Variants in TMEM145 observed in about 807,000 individuals in gnomAD.
TMEM145 encodes transmembrane protein 145.
TMEM145 carries 46 observed loss-of-function variants against 68.5 expected under a neutral mutation model. That is an observed-to-expected ratio of 0.67 (90% CI 0.53 to 0.86). The LOEUF (loss-of-function observed/expected upper bound fraction) is 0.86, where lower values mean the gene tolerates loss of function less well. Ranked by LOEUF, TMEM145 falls within the 40% of genes least tolerant of loss-of-function variation. TMEM145 has a pLI of 0.00. For missense variants in TMEM145, 570 were observed against 645.8 expected (o/e 0.88, Z 1.27); for synonymous variants, 255 against 280.2 (o/e 0.91, Z 0.90).
intron 12 of TMEM145, 29 bp downstream of exon 12, chr19:42,317,910 C>T: frequency 6.2e-7 from 1 of 1,612,480 alleles, no homozygotes. Context: ...CAGCCTGTCC[C>T]TGCCTCCCTC....
In TMEM145 at chr19:42,324,791, C is replaced by G. The variant is rs540616003; in HGVS notation, c.1456C>G (p.Pro486Ala). 1 of 1,566,514 alleles carries G rather than the reference C, an allele frequency of 6.4e-7. No individual in the cohort carries two copies. Among genetic ancestry groups the G allele is most frequent in the Non-Finnish European group, 8.6e-7 (1 of 1,163,008 alleles). ...GCTCCCGCTGTTCCGTGACCTCCGG[C>G]CCCCTGGCCCCCTTCGAGACCTCTG... ...SGLPLFRDLRPPGPLRDL is the reference protein window; with the variant it reads ...SGLPLFRDLRAPGPLRDL Residue 486 changes from proline to alanine, a missense_variant, in exon 15 of 15, where the codon CCC (proline) becomes GCC (alanine). Coordinates refer to ENST00000301204, the MANE Select transcript of TMEM145 (RefSeq NM_173633.3).
At chr19:42,320,274 G>A (rs1274271829) in intron 12 of TMEM145, 43 bp from the exon 13 acceptor site, 2 of 1,610,416 alleles carry the variant, frequency 1.2e-6, no homozygotes, top group Non-Finnish European at 1.7e-6. Context: ...GTGGGGTGGA[G>A]GACAGGAGCA....
At chr19:42,314,223 A>C in intron 1 of TMEM145, 49 bp from the exon 2 acceptor site, 12 of 1,604,566 alleles carry the variant, frequency 7.5e-6, no homozygotes, top group Non-Finnish European at 1.0e-5. Context: ...TATGGAGTAA[A>C]GAGTTCTTGA....
intron 11 of TMEM145, among the ~76,000 whole-genome samples, chr19:42,317,408 G>A (rs2038869771): frequency 6.6e-6 from 1 of 152,194 alleles, no homozygotes; most frequent in African/African-American, 2.4e-5. Flanking sequence ...CTTAGCCTTA[G>A]TTTCCTCTTC....
chr19:42,324,497 A>G, intron 14 of TMEM145: 1 of 985,174 alleles, frequency 1.0e-6, no homozygotes, highest in Non-Finnish European at 1.2e-6. Flanking sequence ...CAGCATGCAC[A>G]CGGCCGGGGG....
intron 3 of TMEM145, 41 bp from the exon 4 acceptor site, chr19:42,314,572 G>T (rs765881294): frequency 2.5e-6 from 4 of 1,614,142 alleles, no homozygotes; most frequent in Non-Finnish European, 3.4e-6. Context: ...GGAGAAGGTC[G>T]TTGCTGGCCG....
At chr19:42,317,628 C>A in intron 11 of TMEM145, 81 bp from the exon 12 acceptor site, 1 of 1,439,694 alleles carries the variant, frequency 6.9e-7, no homozygotes. Flanking sequence ...CCTCTGTTCC[C>A]AAGTGCCCAG....
intron 14 of TMEM145, 72 bp downstream of exon 14, chr19:42,323,861 C>T (rs923637636): frequency 9.6e-6 from 13 of 1,359,322 alleles, no homozygotes; most frequent in South Asian, 1.3e-5. Context: ...CGCTCCCGGC[C>T]CCGCCGCCGC....
chr19:42,324,266 C>T, intron 14 of TMEM145: 4 of 984,948 alleles, frequency 4.1e-6, no homozygotes, highest in Non-Finnish European at 4.8e-6. Context: ...CTGACCCTGA[C>T]CCCCCTCCCA....
At chr19:42,316,607 G>T (rs1411309995) in intron 9 of TMEM145, 46 bp downstream of exon 9, 4 of 1,613,342 alleles carry the variant, frequency 2.5e-6, no homozygotes, top group Non-Finnish European at 3.4e-6. Context: ...CAGGGCTCAG[G>T]TTGGGCATCA....
chr19:42,323,860 C>A, intron 14 of TMEM145, 71 bp downstream of exon 14: 2 of 1,391,290 alleles, frequency 1.4e-6, no homozygotes, highest in Non-Finnish European at 2.0e-6. Context: ...CCGCTCCCGG[C>A]CCCGCCGCCG....
chr19:42,323,381 G>C (rs2038929303), intron 13 of TMEM145, among the ~76,000 whole-genome samples: 1 of 152,236 alleles, frequency 6.6e-6, no homozygotes, highest in South Asian at 2.1e-4. Flanking sequence ...GATGGAGGAA[G>C]CACAGGCCGA....
Sources: allele counts gnomAD v4.1 joint callset (sites outside exome capture counted in the v4.1 genomes callset), GRCh38; gene constraint gnomAD v4.1.1; transcripts MANE v1.5; gene names NCBI Gene and HGNC (gene_info 2026-07-23, HGNC 2026-07-21).